The following LRP1B variants were observed in gnomAD, a reference collection of about 807,000 sequenced individuals.
LRP1B encodes the protein low-density lipoprotein receptor-related protein 1B.
A neutral mutation model predicts 556.6 loss-of-function variants in LRP1B; 217 were observed. The observed-to-expected ratio is 0.39, with a 90% CI of 0.35 to 0.44. LRP1B has a LOEUF of 0.44. LRP1B is among the 20% of genes least tolerant of loss of function. The pLI is 1.00. For synonymous variants in LRP1B, 2,047 were observed against 1,865.8 expected (o/e 1.10, Z -2.50); for missense variants, 5,053 against 5,620.8 (o/e 0.90, Z 3.23).
chr2:141,604,977 C>T (rs927628994), intron 2 of LRP1B, among the ~76,000 whole-genome samples: 1 of 152,132 alleles, frequency 6.6e-6, no homozygotes, highest in African/African-American at 2.4e-5. Context: ...TGAGCTGGTG[C>T]ACAAGCCAGG....
chr2:141,312,733 G>T (rs114302116), intron 3 of LRP1B, among the ~76,000 whole-genome samples: 2 of 151,294 alleles, frequency 1.3e-5, no homozygotes, highest in Admixed American at 1.3e-4. Context: ...CTGCCTCCCA[G>T]TCTGGAGTAC....
chr2:142,012,035 G>C (rs911409380), intron 1 of LRP1B, among the ~76,000 whole-genome samples: 1 of 152,008 alleles, frequency 6.6e-6, no homozygotes, highest in African/African-American at 2.4e-5. Flanking sequence ...TCCTCTGCAA[G>C]TACCTGCATG....
At chr2:141,438,202 T>C (rs1156687703) in intron 3 of LRP1B, among the ~76,000 whole-genome samples, 4 of 152,156 alleles carry the variant, frequency 2.6e-5, no homozygotes, top group Non-Finnish European at 5.9e-5. Flanking sequence ...TTAAGTTGAT[T>C]ACGGAGTCTG....
chr2:140,745,087 C>T (rs570600143), intron 35 of LRP1B, among the ~76,000 whole-genome samples: 1 of 152,232 alleles, frequency 6.6e-6, no homozygotes, highest in Non-Finnish European at 1.5e-5. Context: ...TAGAACAAAG[C>T]AACCAGACAT....
intron 2 of LRP1B, among the ~76,000 whole-genome samples, chr2:141,764,237 G>T (rs900500620): frequency 6.6e-6 from 1 of 152,066 alleles, no homozygotes; most frequent in African/African-American, 2.4e-5. Flanking sequence ...CTGGAGTGCA[G>T]TGGGGCGATC....
At chr2:141,901,024 T>G (rs1699603750) in intron 1 of LRP1B, among the ~76,000 whole-genome samples, 1 of 151,904 alleles carries the variant, frequency 6.6e-6, no homozygotes, top group Admixed American at 6.6e-5. Context: ...AGTGTAAAGG[T>G]GGTCAGAAAA....
intron 35 of LRP1B, among the ~76,000 whole-genome samples, chr2:140,724,173 T>C (rs1458247899): frequency 1.3e-5 from 2 of 152,156 alleles, no homozygotes; most frequent in East Asian, 3.9e-4. Flanking sequence ...TCTTAGAGTT[T>C]ATATACAATT....
intron 1 of LRP1B, among the ~76,000 whole-genome samples, chr2:141,892,025 A>T (rs1381017063): frequency 6.6e-6 from 1 of 152,048 alleles, no homozygotes; most frequent in Non-Finnish European, 1.5e-5. Context: ...CATTCATATA[A>T]AAATCATCAG....
intron 41 of LRP1B, among the ~76,000 whole-genome samples, chr2:140,691,917 A>G (rs1574247035): frequency 2.0e-5 from 3 of 152,150 alleles, no homozygotes; most frequent in Admixed American, 1.3e-4. Context: ...AATGCTTCAT[A>G]TTATTAAGAA....
chr2:141,659,975 G>A (rs936496385), intron 2 of LRP1B, among the ~76,000 whole-genome samples: 2 of 152,136 alleles, frequency 1.3e-5, no homozygotes, highest in Non-Finnish European at 2.9e-5. Flanking sequence ...TAGCAGAAGA[G>A]ACCAGAAGGG....
intron 2 of LRP1B, among the ~76,000 whole-genome samples, chr2:141,486,958 A>T (rs905526026): frequency 6.6e-6 from 1 of 152,130 alleles, no homozygotes; most frequent in Non-Finnish European, 1.5e-5. Flanking sequence ...AGACATGCGA[A>T]GTCCTCCAAA....
intron 15 of LRP1B, among the ~76,000 whole-genome samples, chr2:141,000,521 G>A (rs978300364): frequency 2.0e-5 from 3 of 152,022 alleles, no homozygotes; most frequent in Non-Finnish European, 2.9e-5. Context: ...TACAGGTGGA[G>A]ATGCCACAGG....
intron 43 of LRP1B, 122 bp from the exon 44 acceptor site, chr2:140,542,093 A>T (rs1680157582): frequency 3.4e-6 from 2 of 592,882 alleles, no homozygotes; most frequent in Non-Finnish European, 5.5e-6. Flanking sequence ...AGAAATCATC[A>T]GATAAAAATA....
rs111271733 is a variant in LRP1B, at chr2:141,238,616, C to T, written c.592+8610G>A. ...TTTAGTACATAAAAAAGATAATAAG[C>T]AAGTAAACAAATATGAATATTGTTT... On this transcript the variant is annotated intron_variant, in intron 5 of 90. Transcript: ENST00000389484. Among the ~76,000 whole-genome samples, 513 of 152,028 alleles carry T rather than the reference C, an allele frequency of 3.4e-3. 5 individuals carry two copies. The highest frequency in any genetic ancestry group is 0.011 in the African/African-American group (473 of 41,504).
intron 82 of LRP1B, among the ~76,000 whole-genome samples, chr2:140,316,853 G>T (rs961534482): frequency 6.6e-6 from 1 of 152,104 alleles, no homozygotes; most frequent in Admixed American, 6.6e-5. Context: ...CTTATCGACT[G>T]TATCTAGACT....
At chr2:141,041,102 A>G (rs1380981132) in intron 11 of LRP1B, among the ~76,000 whole-genome samples, 1 of 152,048 alleles carries the variant, frequency 6.6e-6, no homozygotes, top group Non-Finnish European at 1.5e-5. Context: ...GTAATGTATA[A>G]TTTTGAACGA....
chr2:141,882,712 A>G (rs923844284), intron 1 of LRP1B, among the ~76,000 whole-genome samples: 1 of 152,134 alleles, frequency 6.6e-6, no homozygotes, highest in East Asian at 1.9e-4. Flanking sequence ...AAAAAACAGA[A>G]TATCAAGAAC....
chr2:140,424,279 C>T (rs544564102), intron 66 of LRP1B, among the ~76,000 whole-genome samples: 116 of 152,210 alleles, frequency 7.6e-4, no homozygotes, highest in African/African-American at 2.6e-3. Context: ...TTTAAAATTA[C>T]GAAGTATTTA....
intron 1 of LRP1B, among the ~76,000 whole-genome samples, chr2:141,889,844 T>C (rs1468485416): frequency 6.6e-6 from 1 of 152,094 alleles, no homozygotes; most frequent in African/African-American, 2.4e-5. Context: ...ACTCAAGAAA[T>C]TGACCATTTA....
Sources: gnomAD v4.1 joint callset for allele counts (sites outside exome capture counted in the v4.1 genomes callset) on GRCh38, gnomAD v4.1.1 for gene constraint, MANE v1.5 for transcripts, NCBI Gene and HGNC (gene_info 2026-07-23, HGNC 2026-07-21) for gene names.